Variants in MLLT3 observed in about 807,000 individuals in gnomAD.
MLLT3 encodes protein AF-9.
A neutral mutation model predicts 53.2 loss-of-function variants in MLLT3; 4 were observed. That is an observed-to-expected ratio of 0.08 (90% CI 0.04 to 0.17). MLLT3 has a LOEUF of 0.17. Ranked by LOEUF, MLLT3 falls within the 10% of genes least tolerant of loss-of-function variation. MLLT3 has a pLI of 1.00. For missense variants in MLLT3, 569 were observed against 684.0 expected, an observed-to-expected ratio of 0.83 and a Z score of 1.87; for synonymous variants, 283 against 230.6, an observed-to-expected ratio of 1.23 and a Z score of -2.06.
chr9:20,426,730 A>C (rs1051042615), intron 4 of MLLT3, among the ~76,000 whole-genome samples: 1 of 152,128 alleles, frequency 6.6e-6, no homozygotes. Context: ...TCTTACTATG[A>C]TACAACTAGA....
rs200215215 is a variant in MLLT3 at position 20,381,820 on chromosome 9, A to AT, written c.1126-16077dup. On this transcript the variant is annotated intron_variant, in intron 5 of 10. Transcript: ENST00000380338. Reference sequence around the variant, plus strand: ...TTGGATGAACGACTTTCAATGTATGATAAGCTATATAATTAAGAAAAATGT... The same window carrying AT: ...TTGGATGAACGACTTTCAATGTATGATTAAGCTATATAATTAAGAAAAATGT... Among the ~76,000 whole-genome samples the AT allele has an allele frequency of 4.8e-3, 728 of 151,952 alleles. 11 individuals carry two copies. The highest frequency in any genetic ancestry group is 0.017 in the African/African-American group (701 of 41,522).
At chr9:20,506,320 C>T (rs1344260634) in intron 2 of MLLT3, among the ~76,000 whole-genome samples, 3 of 152,144 alleles carry the variant, frequency 2.0e-5, no homozygotes, top group South Asian at 2.1e-4. Context: ...GGATTACAGG[C>T]GTGAGCCACC....
intron 4 of MLLT3, among the ~76,000 whole-genome samples, chr9:20,438,152 G>T (rs1429527972): frequency 6.6e-6 from 1 of 152,200 alleles, no homozygotes; most frequent in Non-Finnish European, 1.5e-5. Flanking sequence ...AGAACACTCT[G>T]ATAACAAATT....
At chr9:20,517,804 T>C (rs1239066272) in intron 2 of MLLT3, among the ~76,000 whole-genome samples, 2 of 151,638 alleles carry the variant, frequency 1.3e-5, no homozygotes, top group Middle Eastern at 3.4e-3. Context: ...TGCCACTGCA[T>C]TGCAGCCTGG....
At chr9:20,489,346 T>A (rs1325973318) in intron 2 of MLLT3, among the ~76,000 whole-genome samples, 1 of 152,230 alleles carries the variant, frequency 6.6e-6, no homozygotes, top group African/African-American at 2.4e-5. Context: ...TAACACCTTT[T>A]CAAAGATCTT....
At chr9:20,566,734 G>A (rs955601252) in intron 2 of MLLT3, among the ~76,000 whole-genome samples, 2 of 151,984 alleles carry the variant, frequency 1.3e-5, no homozygotes, top group Non-Finnish European at 1.5e-5. Flanking sequence ...CAGAAACAAG[G>A]AGAAACACAT....
chr9:20,527,630 A>C (rs1818236877), intron 2 of MLLT3, among the ~76,000 whole-genome samples: 1 of 152,216 alleles, frequency 6.6e-6, no homozygotes, highest in Non-Finnish European at 1.5e-5. Flanking sequence ...TCAACAAGCA[A>C]AATTAAAGTT....
intron 2 of MLLT3, among the ~76,000 whole-genome samples, chr9:20,593,965 G>C (rs1401734068): frequency 2.7e-5 from 4 of 150,628 alleles, no homozygotes; most frequent in African/African-American, 9.8e-5. Flanking sequence ...TTCTGAGAGG[G>C]AGTCTTGCTC....
At chr9:20,486,013 G>A (rs984729258) in intron 2 of MLLT3, among the ~76,000 whole-genome samples, 1 of 152,216 alleles carries the variant, frequency 6.6e-6, no homozygotes, top group Middle Eastern at 3.4e-3. Flanking sequence ...TTTCCACACA[G>A]AGATGCATGT....
At chr9:20,357,985 A>G (rs1450917676) in intron 8 of MLLT3, among the ~76,000 whole-genome samples, 35 of 144,748 alleles carry the variant, frequency 2.4e-4, no homozygotes, top group South Asian at 6.6e-4. Flanking sequence ...TCCTGCGCAC[A>G]CACACACACA....
At chr9:20,386,876 C>T (rs1481631364) in intron 5 of MLLT3, among the ~76,000 whole-genome samples, 4 of 152,308 alleles carry the variant, frequency 2.6e-5, no homozygotes, top group African/African-American at 7.2e-5. Context: ...CAGATATCCA[C>T]TGCTCTCCAA....
chr9:20,348,540 A>G (rs1731447156), intron 10 of MLLT3, among the ~76,000 whole-genome samples: 1 of 152,220 alleles, frequency 6.6e-6, no homozygotes, highest in South Asian at 2.1e-4. Context: ...CATCAGTGGC[A>G]TCTTTTAAGC....
At chr9:20,524,632 T>C (rs144018147) in intron 2 of MLLT3, among the ~76,000 whole-genome samples, 36 of 152,226 alleles carry the variant, frequency 2.4e-4, no homozygotes, top group African/African-American at 8.7e-4. Flanking sequence ...ATAAAAATAG[T>C]AAATAAAAAT....
rs573717112 is a variant in MLLT3, at chr9:20,596,895, G to A, written c.193+23759C>T. ...AGCAATTTGGGGGAGTATTGCCATC[G>A]TAATATTAAGTCTCCCAATCCATGA... On this transcript the variant is annotated intron_variant, in intron 2 of 10. Coordinates refer to ENST00000380338, the MANE Select transcript of MLLT3 (RefSeq NM_004529.4). Among the ~76,000 whole-genome samples the A allele has an allele frequency of 4.3e-4, 66 of 152,136 alleles. No homozygotes were observed. In the South Asian group the frequency reaches 6.4e-3, roughly 15 times the overall value.
At chr9:20,425,301 C>A (rs750693110) in intron 4 of MLLT3, among the ~76,000 whole-genome samples, 6 of 152,094 alleles carry the variant, frequency 3.9e-5, no homozygotes, top group Non-Finnish European at 8.8e-5. Context: ...AGTTAGGAAA[C>A]TCTGGACATT....
chr9:20,552,924 A>G (rs1818961852), intron 2 of MLLT3, among the ~76,000 whole-genome samples: 1 of 152,184 alleles, frequency 6.6e-6, no homozygotes, highest in Admixed American at 6.5e-5. Context: ...ATGCTTATCA[A>G]AAAGTTGCAA....
chr9:20,365,717 T>C lies in MLLT3; in HGVS notation c.1153A>G (p.Ser385Gly). 1 of 1,614,198 alleles carries C rather than the reference T, an allele frequency of 6.2e-7. No individual in the cohort carries two copies. The highest frequency in any genetic ancestry group is 1.7e-5 in the Admixed American group (1 of 60,032). Reference sequence around the variant, plus strand: ...GTGAAGCTGGAGCTGGAGCTGGAGCTGGAGCTGGCAGGACTGGGTTGTTCA... The same window carrying C: ...GTGAAGCTGGAGCTGGAGCTGGAGCCGGAGCTGGCAGGACTGGGTTGTTCA... ...DSEQPSPASSSSSSSSSFTPS... is the reference protein window; with the variant it reads ...DSEQPSPASSGSSSSSSFTPS... The change falls in exon 6 of 11, where the codon AGC (serine) becomes GGC (glycine). Residue 385 changes from serine to glycine, a missense_variant. By Grantham distance (56) the Ser-to-Gly change is moderately conservative (BLOSUM62 0). Around this residue, in one of 5 missense-constraint regions of MLLT3, gnomAD observed 437 missense variants for 376.5 expected, o/e 1.16. Coordinates refer to ENST00000380338, the MANE Select transcript of MLLT3 (RefSeq NM_004529.4).
intron 4 of MLLT3, among the ~76,000 whole-genome samples, chr9:20,446,108 A>G (rs1029881719): frequency 2.0e-5 from 3 of 152,176 alleles, no homozygotes; most frequent in African/African-American, 7.2e-5. Context: ...AATAGACAGA[A>G]TCTGTGGAAT....
Position 20,365,723 on chromosome 9 carries a change from T to G in MLLT3, c.1147A>C (p.Ser383Arg). 2 of 1,614,236 alleles carry G rather than the reference T, an allele frequency of 1.2e-6. No homozygotes were observed. Among genetic ancestry groups the G allele is most frequent in the African/African-American group, 1.3e-5 (1 of 75,066 alleles). ...CTGGAGCTGGAGCTGGAGCTGGAGC[T>G]GGCAGGACTGGGTTGTTCAGACTTT... ...KSDSEQPSPA[S>R]SSSSSSSSFT... is the part of the protein sequence containing the mutation. Residue 383 changes from serine (S) to arginine (R), a missense_variant, in exon 6 of 11, where the codon AGC (serine) becomes CGC (arginine). By Grantham distance (110) the Ser-to-Arg change is moderately radical (BLOSUM62 -1). Around this residue, in one of 5 missense-constraint regions of MLLT3, gnomAD observed 437 missense variants for 376.5 expected, o/e 1.16. Transcript: ENST00000380338.
Sources: allele counts gnomAD v4.1 joint callset (sites outside exome capture counted in the v4.1 genomes callset), GRCh38; gene constraint gnomAD v4.1.1; regional missense constraint gnomAD v4.1.1; transcripts MANE v1.5; gene names NCBI Gene and HGNC (gene_info 2026-07-23, HGNC 2026-07-21).